Variants in WDPCP observed in about 807,000 individuals in gnomAD.
The protein encoded by WDPCP is WD repeat-containing and planar cell polarity effector protein fritz homolog.
Under a neutral mutation model 93.1 loss-of-function variants are expected in WDPCP, and 71 were observed. The ratio of observed to expected loss-of-function variants is 0.76; its 90% CI spans 0.63 to 0.93. The LOEUF is 0.93. Among genes scored for constraint, WDPCP ranks in the 40% least tolerant of loss-of-function variants. The pLI is 0.00. For missense variants in WDPCP, 844 were observed against 887.4 expected (o/e 0.95, Z 0.62); for synonymous variants, 315 against 315.0 (o/e 1.00, Z 0.00).
chr2:63,295,993 T>C (rs775212388), intron 13 of WDPCP, among the ~76,000 whole-genome samples: 6 of 151,434 alleles, frequency 4.0e-5, no homozygotes, highest in Non-Finnish European at 8.8e-5. Flanking sequence ...CAAATATTCC[T>C]AATAATACAG....
chr2:63,549,406 G>T (rs1032873710), intron 1 of WDPCP, among the ~76,000 whole-genome samples: 1 of 152,012 alleles, frequency 6.6e-6, no homozygotes, highest in African/African-American at 2.4e-5. Context: ...CCACAGTCAA[G>T]AAACTGTTTT....
intron 13 of WDPCP, among the ~76,000 whole-genome samples, chr2:63,291,781 C>T (rs924242916): frequency 6.7e-6 from 1 of 149,756 alleles, no homozygotes; most frequent in Non-Finnish European, 1.5e-5. Flanking sequence ...TGCACTCCAG[C>T]CTGGGCAACA....
intron 2 of WDPCP, among the ~76,000 whole-genome samples, chr2:63,778,397 C>A (rs1670337395): frequency 6.6e-6 from 1 of 151,914 alleles, no homozygotes. Context: ...TTAGTGGAGA[C>A]AGGGTTTCAC....
upstream of WDPCP, chr2:63,590,407 C>T (rs1349714586): frequency 6.6e-6 from 1 of 152,032 alleles, no homozygotes; most frequent in Admixed American, 6.6e-5. Flanking sequence ...TTATAGGGAC[C>T]ACCGCAGTGA....
intron 17 of WDPCP, among the ~76,000 whole-genome samples, chr2:63,125,363 T>C (rs1169166919): frequency 1.3e-5 from 2 of 152,240 alleles, no homozygotes; most frequent in South Asian, 2.1e-4. Context: ...AATTATGATT[T>C]AAGTATTTTA....
chr2:63,162,538 TG>T (rs1219045276), intron 15 of WDPCP, among the ~76,000 whole-genome samples: 2 of 152,082 alleles, frequency 1.3e-5, no homozygotes, highest in Non-Finnish European at 2.9e-5. Context: ...ATTTCATAGG[TG>T]GGGATAAATG....
intron 3 of WDPCP, among the ~76,000 whole-genome samples, chr2:63,616,754 G>A (rs1396940528): frequency 6.6e-6 from 1 of 152,032 alleles, no homozygotes; most frequent in African/African-American, 2.4e-5. Context: ...ATTTTAAAAA[G>A]TATATGCAAA....
chr2:63,500,963 T>C (rs533748313), intron 1 of WDPCP, among the ~76,000 whole-genome samples: 2 of 152,348 alleles, frequency 1.3e-5, no homozygotes, highest in East Asian at 3.9e-4. Flanking sequence ...AATGTGTATC[T>C]AGATCTATTT....
At chr2:63,284,947 A>G (rs1396583329) in intron 13 of WDPCP, among the ~76,000 whole-genome samples, 1 of 152,226 alleles carries the variant, frequency 6.6e-6, no homozygotes, top group Non-Finnish European at 1.5e-5. Flanking sequence ...TTAAAAATGA[A>G]GTATAGCTAA....
At chr2:63,186,811 GTT>G (rs34323591) in intron 14 of WDPCP, among the ~76,000 whole-genome samples, 11 of 132,512 alleles carry the variant, frequency 8.3e-5, no homozygotes, top group Admixed American at 3.8e-4. Flanking sequence ...GTGTGTGTGT[GTT>G]TTTTTTTTTT....
intron 2 of WDPCP, among the ~76,000 whole-genome samples, chr2:63,801,518 G>T (rs748886522): frequency 6.6e-6 from 1 of 152,140 alleles, no homozygotes; most frequent in African/African-American, 2.4e-5. Flanking sequence ...TGTTGGCTGG[G>T]GTGGCCAGCT....
chr2:63,296,333 A>C (rs1271609944), intron 13 of WDPCP, among the ~76,000 whole-genome samples: 2 of 152,202 alleles, frequency 1.3e-5, no homozygotes, highest in Non-Finnish European at 2.9e-5. Context: ...CCCACAGCAA[A>C]CATCATACTG....
intron 3 of WDPCP, chr2:63,607,118 T>C (rs572182432): frequency 2.5e-4 from 214 of 857,714 alleles, no homozygotes; most frequent in Non-Finnish European, 3.4e-4. Flanking sequence ...GATTACGTGC[T>C]TCTTGGTACA....
At chr2:63,482,003 G>A (rs769323307) in intron 6 of WDPCP, among the ~76,000 whole-genome samples, 15 of 151,898 alleles carry the variant, frequency 9.9e-5, no homozygotes, top group Non-Finnish European at 1.9e-4. Context: ...AAATAATTCT[G>A]AATTTACAGG....
intron 17 of WDPCP, among the ~76,000 whole-genome samples, chr2:63,134,194 T>A (rs1257724606): frequency 6.6e-6 from 1 of 152,214 alleles, no homozygotes; most frequent in African/African-American, 2.4e-5. Context: ...TAATCCCACC[T>A]GGTCAAATCC....
intron 2 of WDPCP, among the ~76,000 whole-genome samples, chr2:63,794,062 T>C (rs1670580649): frequency 6.6e-6 from 1 of 152,172 alleles, no homozygotes; most frequent in African/African-American, 2.4e-5. Flanking sequence ...TACTGGTTGT[T>C]GAAACCTCTA....
chr2:63,476,935 A>C (rs1194641591), intron 6 of WDPCP, among the ~76,000 whole-genome samples: 1 of 152,192 alleles, frequency 6.6e-6, no homozygotes, highest in African/African-American at 2.4e-5. Context: ...AGAGGCATTT[A>C]AAAAGGAAAC....
chr2:63,787,027 C>T (rs945541244), intron 2 of WDPCP, among the ~76,000 whole-genome samples: 4 of 152,084 alleles, frequency 2.6e-5, no homozygotes, highest in Non-Finnish European at 4.4e-5. Context: ...TTCTTACATT[C>T]GTTGATCATG....
At chr2:63,335,774 G>T (rs57756379) in intron 12 of WDPCP, among the ~76,000 whole-genome samples, 290 of 152,240 alleles carry the variant, frequency 1.9e-3, no homozygotes, top group African/African-American at 6.7e-3. Context: ...AAACCTACTG[G>T]GCTGCAACCC....
Sources: allele counts gnomAD v4.1 joint callset (sites outside exome capture counted in the v4.1 genomes callset), GRCh38; gene constraint gnomAD v4.1.1; transcripts MANE v1.5; gene names NCBI Gene and HGNC (gene_info 2026-07-23, HGNC 2026-07-21).